The following CTDSPL2 variants were observed in gnomAD, a reference collection of about 807,000 sequenced individuals.
CTDSPL2 encodes the protein CTD small phosphatase like 2.
In CTDSPL2, 5 loss-of-function variants were observed where a neutral mutation model predicts 60.0. The observed-to-expected ratio is 0.08, with a 90% CI of 0.04 to 0.18. The LOEUF (loss-of-function observed/expected upper bound fraction) is 0.18, where lower values mean the gene tolerates loss of function less well. Among genes scored for constraint, CTDSPL2 ranks in the 10% least tolerant of loss-of-function variants. CTDSPL2 has a pLI of 1.00. For synonymous variants in CTDSPL2, 186 were observed against 189.3 expected, an observed-to-expected ratio of 0.98 and a Z score of 0.14; for missense variants, 370 against 548.8, an observed-to-expected ratio of 0.67 and a Z score of 3.26.
intron 2 of CTDSPL2, among the ~76,000 whole-genome samples, chr15:44,459,414 C>G (rs889965809): frequency 1.3e-5 from 2 of 152,098 alleles, no homozygotes; most frequent in Admixed American, 6.6e-5. Context: ...GTAGTCCCAG[C>G]TACTCGGGAG....
intron 4 of CTDSPL2, among the ~76,000 whole-genome samples, chr15:44,488,125 A>T (rs947590677): frequency 1.2e-4 from 18 of 151,638 alleles, no homozygotes; most frequent in Non-Finnish European, 1.9e-4. Context: ...AAAAAAAAAA[A>T]GAAAAAGGAA....
intron 10 of CTDSPL2, among the ~76,000 whole-genome samples, chr15:44,515,766 G>A (rs1354413326): frequency 1.3e-5 from 2 of 151,828 alleles, no homozygotes; most frequent in Admixed American, 6.6e-5. Flanking sequence ...CCAGCCACTC[G>A]GGAGGCTGAG....
chr15:44,518,499 T>TA (rs1183109510), intron 10 of CTDSPL2, among the ~76,000 whole-genome samples: 2 of 152,208 alleles, frequency 1.3e-5, no homozygotes, highest in African/African-American at 2.4e-5. Flanking sequence ...ATCATACACA[T>TA]ATACTAAAAG....
chr15:44,465,053 G>A (rs902275455), intron 2 of CTDSPL2, among the ~76,000 whole-genome samples: 4 of 152,074 alleles, frequency 2.6e-5, no homozygotes, highest in East Asian at 1.9e-4. Flanking sequence ...CTTCAAATAC[G>A]GTCACGTTCT....
chr15:44,487,195 G>A (rs971225177), intron 4 of CTDSPL2, among the ~76,000 whole-genome samples: 4 of 152,192 alleles, frequency 2.6e-5, no homozygotes, highest in African/African-American at 7.2e-5. Flanking sequence ...GGCTGATGCC[G>A]GTAATCTGAA....
intron 2 of CTDSPL2, among the ~76,000 whole-genome samples, chr15:44,480,225 C>A (rs1038300359): frequency 1.3e-5 from 2 of 152,146 alleles, no homozygotes; most frequent in African/African-American, 4.8e-5. Flanking sequence ...TCCCCAACTC[C>A]CCTCCCCCTT....
intron 1 of CTDSPL2, among the ~76,000 whole-genome samples, chr15:44,441,150 T>C (rs1415766030): frequency 2.0e-5 from 3 of 152,176 alleles, no homozygotes; most frequent in African/African-American, 7.2e-5. Context: ...ATTAGAGACA[T>C]TAGTAAGATC....
At chr15:44,514,906 T>G (rs1450041525) in intron 10 of CTDSPL2, 62 bp downstream of exon 10, 1 of 1,011,114 alleles carries the variant, frequency 9.9e-7, no homozygotes, top group Non-Finnish European at 1.5e-6. Context: ...TTACTGATTC[T>G]ATTTCATTTT....
intron 1 of CTDSPL2, among the ~76,000 whole-genome samples, chr15:44,433,887 A>G (rs1180366187): frequency 2.0e-5 from 3 of 147,492 alleles, no homozygotes; most frequent in African/African-American, 7.5e-5. Flanking sequence ...CAGGAGATGG[A>G]GGTTGCAGTG....
At position 44,437,951 on chromosome 15, in the gene CTDSPL2, A is replaced by G. The variant is rs151018076; in HGVS notation, c.-25+10179A>G. Among the ~76,000 whole-genome samples, 684 of 152,342 alleles carry G rather than the reference A, an allele frequency of 4.5e-3. 4 individuals carry two copies. Among genetic ancestry groups the G allele is most frequent in the African/African-American group, 0.016 (650 of 41,582 alleles). On this transcript the variant is annotated intron_variant, in intron 1 of 12. Coordinates refer to ENST00000260327, the MANE Select transcript of CTDSPL2 (RefSeq NM_016396.3). Reference sequence around the variant, plus strand: ...TAGAGCACAGTGTGGGCAGGAAACTATTAGTACTGCAGTGCTAAGAATGTG... The same window carrying G: ...TAGAGCACAGTGTGGGCAGGAAACTGTTAGTACTGCAGTGCTAAGAATGTG...
intron 8 of CTDSPL2, 21 bp downstream of exon 8, chr15:44,499,834 G>A (rs79808511): frequency 0.046 from 67,713 of 1,467,048 alleles, 1,811 homozygotes; most frequent in Non-Finnish European, 0.055. Context: ...TTTTTTTGAT[G>A]ATTTTTGGCC....
chr15:44,480,653 C>T lies in CTDSPL2; in HGVS notation c.187-3571C>T, dbSNP rs146729121. Among the ~76,000 whole-genome samples, 995 of 152,032 alleles carry T rather than the reference C, an allele frequency of 6.5e-3. 5 individuals are homozygous for T. Among genetic ancestry groups the T allele is most frequent in the African/African-American group, 0.01 (415 of 41,454 alleles). ...TTTGAGACCAGCCTGGGCAACATAG[C>T]GAGACCCTGTCTCTACAAAAAATAA... On this transcript the variant is annotated intron_variant, in intron 2 of 12. Transcript: ENST00000260327.
chr15:44,463,614 C>G lies in CTDSPL2; in HGVS notation c.186+4414C>G, dbSNP rs137877797. On this transcript the variant is annotated intron_variant, in intron 2 of 12. Coordinates refer to ENST00000260327, the MANE Select transcript of CTDSPL2 (RefSeq NM_016396.3). Reference sequence around the variant, plus strand: ...GAGTGAAATCACAATTGTATTTTCCCAGACAACTAATCCTGTGTTAGGAGT... The same window carrying G: ...GAGTGAAATCACAATTGTATTTTCCGAGACAACTAATCCTGTGTTAGGAGT... Among the ~76,000 whole-genome samples the G allele has an allele frequency of 3.8e-3, 580 of 152,220 alleles. 15 individuals are homozygous for G. Among genetic ancestry groups the G allele is most frequent in the East Asian group, 0.038 (196 of 5,186 alleles).
intron 1 of CTDSPL2, among the ~76,000 whole-genome samples, chr15:44,446,843 C>T (rs1322194485): frequency 1.2e-4 from 17 of 146,808 alleles, no homozygotes; most frequent in African/African-American, 3.8e-4. Flanking sequence ...GCAACCTCTG[C>T]TCTCGGATTC....
At chr15:44,485,032 T>G (rs1389265695) in intron 3 of CTDSPL2, among the ~76,000 whole-genome samples, 2 of 152,176 alleles carry the variant, frequency 1.3e-5, no homozygotes, top group African/African-American at 4.8e-5. Context: ...CAGAGGGGAC[T>G]TGCATCACTT....
intron 1 of CTDSPL2, among the ~76,000 whole-genome samples, chr15:44,435,489 A>G (rs955757373): frequency 2.0e-5 from 3 of 151,006 alleles, no homozygotes; most frequent in Admixed American, 6.6e-5. Context: ...GAATTGCTTG[A>G]ACCCTGGAGG....
chr15:44,478,433 G>T, intron 2 of CTDSPL2, among the ~76,000 whole-genome samples: 1 of 93,250 alleles, frequency 1.1e-5, no homozygotes, highest in African/African-American at 4.1e-5. Flanking sequence ...GCCTGGGCAA[G>T]AAGAGCAAGA....
intron 12 of CTDSPL2, among the ~76,000 whole-genome samples, chr15:44,522,980 C>T (rs2081808510): frequency 6.6e-6 from 1 of 151,914 alleles, no homozygotes; most frequent in South Asian, 2.1e-4. Flanking sequence ...GTGGTGCACA[C>T]CTATTTAATC....
intron 12 of CTDSPL2, among the ~76,000 whole-genome samples, chr15:44,521,739 C>A: frequency 6.6e-6 from 1 of 151,498 alleles, no homozygotes; most frequent in Middle Eastern, 3.4e-3. Flanking sequence ...GAGATCGAGA[C>A]CATCCTGGCT....
Sources: gnomAD v4.1 joint callset for allele counts (sites outside exome capture counted in the v4.1 genomes callset) on GRCh38, gnomAD v4.1.1 for gene constraint, MANE v1.5 for transcripts, NCBI Gene and HGNC (gene_info 2026-07-23, HGNC 2026-07-21) for gene names.